PRPSAP1: variants seen among roughly 807,000 people sequenced by gnomAD.
The protein encoded by PRPSAP1 is phosphoribosyl pyrophosphate synthetase associated protein 1, also known as phosphoribosyl pyrophosphate synthase-associated protein 1.
PRPSAP1 carries 31 observed loss-of-function variants against 39.4 expected under a neutral mutation model. The observed-to-expected ratio is 0.79, with a 90% CI of 0.59 to 1.06. PRPSAP1 has a LOEUF of 1.06. Ranked by LOEUF, PRPSAP1 falls within the 50% of genes least tolerant of loss-of-function variation. The pLI is 0.00. For synonymous variants in PRPSAP1, 212 were observed against 192.6 expected (o/e 1.10, Z -0.83); for missense variants, 430 against 511.6 (o/e 0.84, Z 1.54).
chr17:76,316,338 A>G (rs192183452), intron 7 of PRPSAP1, among the ~76,000 whole-genome samples: 2 of 152,248 alleles, frequency 1.3e-5, no homozygotes, highest in Admixed American at 1.3e-4. Flanking sequence ...TTAGTTTCGC[A>G]TGAAAAACCT....
chr17:76,316,199 A>T (rs999375078), intron 7 of PRPSAP1, among the ~76,000 whole-genome samples: 7 of 151,554 alleles, frequency 4.6e-5, no homozygotes, highest in African/African-American at 1.7e-4. Flanking sequence ...AAAGAAAAAA[A>T]AAAAGAAAGA....
intron 3 of PRPSAP1, among the ~76,000 whole-genome samples, chr17:76,340,421 G>A (rs915088478): frequency 6.6e-6 from 1 of 151,708 alleles, no homozygotes; most frequent in Non-Finnish European, 1.5e-5. Flanking sequence ...ATGATCCTTT[G>A]TTTGTCAAGT....
chr17:76,311,689 C>T lies in PRPSAP1; in HGVS notation c.1011G>A (p.Thr337=), dbSNP rs1280431729. 13 of 1,613,550 alleles carry T rather than the reference C, an allele frequency of 8.1e-6. No homozygotes were observed. The highest frequency in any genetic ancestry group is 3.3e-5 in the South Asian group (3 of 90,974). ...EESSVDEVVV[T]NTVPHEVQKL... ...TCTGAACCTCATGAGGGACAGTATT[C>T]GTCACCACCACCTAGTCACACAGTG... Residue 337 remains threonine, a synonymous_variant, in exon 10 of 10, where the codon ACG becomes ACA. Coordinates refer to ENST00000446526, the MANE Select transcript of PRPSAP1 (RefSeq NM_002766.3).
chr17:76,353,303 T>C (rs2143565721), intron 1 of PRPSAP1: 3 of 496,980 alleles, frequency 6.0e-6, no homozygotes, highest in Non-Finnish European at 3.5e-6. Flanking sequence ...GCGGACCCAG[T>C]CACGGGGCGG....
chr17:76,328,609 A>AAC (rs2071279080), intron 7 of PRPSAP1, 108 bp downstream of exon 7: 1 of 1,430,384 alleles, frequency 7.0e-7, no homozygotes. Flanking sequence ...ACTCCATCTC[A>AAC]AAAACAAAAC....
intron 7 of PRPSAP1, among the ~76,000 whole-genome samples, chr17:76,326,759 C>T (rs139105480): frequency 1.2e-3 from 181 of 152,286 alleles, no homozygotes; most frequent in Non-Finnish European, 2.2e-3. Flanking sequence ...ACTGCTGGGA[C>T]CACTGGTGAA....
rs1236397277 is a variant in PRPSAP1, at chr17:76,330,324, G to GA, written c.579+226dup. 5 of 598,870 alleles carry GA rather than the reference G, an allele frequency of 8.3e-6. No homozygotes were observed. The African/African-American group carries it at 9.3e-5, about 11-fold the overall frequency. The allele number at this position is 598,870 out of a possible 1,614,324, so 37.1% of individuals were successfully genotyped here. A position where few individuals can be genotyped will look rare whatever the true frequency, so the allele number is the denominator to read the frequency against. The stretch of plus-strand genomic sequence containing the variant: ...AATAATTCTTAAAACATTCATTTTA[G>GA]AAAACATAAGCAAATTGCTAAAGAT... On this transcript the variant is annotated intron_variant, in intron 5 of 9. Transcript: ENST00000446526.
At chr17:76,338,629 G>C (rs1298518853) in intron 3 of PRPSAP1, among the ~76,000 whole-genome samples, 1 of 152,038 alleles carries the variant, frequency 6.6e-6, no homozygotes, top group African/African-American at 2.4e-5. Context: ...CTTGAACCCA[G>C]GAGGCAGAAG....
chr17:76,353,633 G>C lies in PRPSAP1; in HGVS notation c.71C>G (p.Pro24Arg). 7.8e-6 allele frequency: 12 copies of C among 1,541,970 alleles called. No homozygotes were observed. The highest frequency in any genetic ancestry group is 1.0e-5 in the Non-Finnish European group (12 of 1,149,954). Residue 24 changes from proline to arginine, a missense_variant, in exon 1 of 10, where the codon CCC becomes CGC. Pro to Arg is a moderately radical substitution (Grantham distance 103). Coordinates refer to ENST00000446526, the MANE Select transcript of PRPSAP1 (RefSeq NM_002766.3). ...SSAFRVPRAR[P>R]VPPPAMNAAR... ...GGCGTTCATGGCCGGCGGGGGAACG[G>C]GGCGGGCGCGCGGGACGCGGAAAGC...
At chr17:76,340,929 G>T (rs551278195) in intron 3 of PRPSAP1, among the ~76,000 whole-genome samples, 1 of 151,460 alleles carries the variant, frequency 6.6e-6, no homozygotes, top group South Asian at 2.1e-4. Flanking sequence ...GGGGGGTAGG[G>T]GGGGACTGTC....
chr17:76,310,938 CA>C lies in PRPSAP1; in HGVS notation c.*603del, dbSNP rs1045210254. On this transcript the variant is annotated 3_prime_UTR_variant, in exon 10 of 10. Coordinates refer to ENST00000446526, the MANE Select transcript of PRPSAP1 (RefSeq NM_002766.3). ...TCTAATGAAAAGACTAGCAAGACAA[CA>C]AATTATTTTATTTGCAACTTCAGAG... 6.6e-6 allele frequency: 1 copy of C among 152,150 alleles called. No homozygotes were observed. The highest frequency in any genetic ancestry group is 2.4e-5 in the African/African-American group (1 of 41,422). 9.4% of individuals were successfully genotyped at this position (152,150 alleles called of 1,614,324 possible). A position where few individuals can be genotyped will look rare whatever the true frequency, so the allele number is the denominator to read the frequency against.
chr17:76,316,130 C>T (rs1047720973), intron 7 of PRPSAP1, among the ~76,000 whole-genome samples: 1 of 146,694 alleles, frequency 6.8e-6, no homozygotes, highest in African/African-American at 2.5e-5. Flanking sequence ...GAATTGAGAT[C>T]GCACCACTGC....
At chr17:76,339,305 T>G (rs2071411022) in intron 3 of PRPSAP1, among the ~76,000 whole-genome samples, 1 of 151,218 alleles carries the variant, frequency 6.6e-6, no homozygotes, top group South Asian at 2.1e-4. Context: ...CTCAGGAGGC[T>G]GAGGCAGGAG....
intron 7 of PRPSAP1, among the ~76,000 whole-genome samples, chr17:76,322,057 G>A (rs1005402578): frequency 1.3e-5 from 2 of 152,150 alleles, no homozygotes; most frequent in Admixed American, 6.6e-5. Context: ...GCTGCAATAA[G>A]TTACTCCGAA....
intron 7 of PRPSAP1, among the ~76,000 whole-genome samples, chr17:76,327,854 T>C (rs1465845018): frequency 6.6e-6 from 1 of 152,060 alleles, no homozygotes; most frequent in Admixed American, 6.6e-5. Context: ...AGTCTACAAA[T>C]GTGTATAACA....
rs2071359835 is a variant in PRPSAP1, at chr17:76,334,632, AC to A, written c.291-2198del. On this transcript the variant is annotated intron_variant, in intron 3 of 9. Transcript: ENST00000446526. ...TGCAAGCATTCTATGATTAAAAAAA[AC>A]AAAAACAAAAACAAAAAATGTCTCC... is the stretch of plus-strand genomic sequence containing the variant. 3.9e-5 allele frequency among the ~76,000 whole-genome samples: 3 copies of A among 77,560 alleles called. No homozygotes were observed. The Admixed American group carries it at 4.1e-4, about 11-fold the overall frequency. The allele number at this position is 77,560 out of a possible 152,430, so 50.9% of individuals were successfully genotyped here.
intron 2 of PRPSAP1, among the ~76,000 whole-genome samples, chr17:76,347,484 CAAAAAAAAAAAAA>C (rs71161289): frequency 9.1e-4 from 23 of 25,220 alleles, no homozygotes; most frequent in East Asian, 2.0e-3. Flanking sequence ...AAGACTCCGT[CAAAAAAAAAAAAA>C]AAAAAAAAAA....
Position 76,312,918 on chromosome 17 carries a change from G to A in PRPSAP1, c.951C>T (p.Ile317=). The change falls in exon 9 of 10, where the codon ATC becomes ATT. Residue 317 remains isoleucine, a synonymous_variant. Coordinates refer to ENST00000446526, the MANE Select transcript of PRPSAP1 (RefSeq NM_002766.3). ...TCAGGCGAGGGGCCTCTGCAGACAGGATGCCGTGGGTGGCCATAACATAGA... is the reference window on the plus strand; with the variant it reads ...TCAGGCGAGGGGCCTCTGCAGACAGAATGCCGTGGGTGGCCATAACATAGA... ...YKIYVMATHG[I]LSAEAPRLIE... The A allele has an allele frequency of 6.2e-7, 1 of 1,614,142 alleles. No homozygotes were observed. Among genetic ancestry groups the A allele is most frequent in the Non-Finnish European group, 8.5e-7 (1 of 1,180,024 alleles).
chr17:76,341,788 A>C (rs2071442006), intron 3 of PRPSAP1, among the ~76,000 whole-genome samples: 1 of 152,036 alleles, frequency 6.6e-6, no homozygotes, highest in African/African-American at 2.4e-5. Flanking sequence ...AAATACAAAA[A>C]ATTAGCCGGG....
Sources: allele counts gnomAD v4.1 joint callset (sites outside exome capture counted in the v4.1 genomes callset), GRCh38; gene constraint gnomAD v4.1.1; transcripts MANE v1.5; gene names NCBI Gene and HGNC (gene_info 2026-07-23, HGNC 2026-07-21).